The following PCCA variants were observed in gnomAD, a reference collection of about 807,000 sequenced individuals.
The protein encoded by PCCA is propionyl-CoA carboxylase subunit alpha, also known as propionyl-CoA carboxylase alpha chain, mitochondrial.
In PCCA, 74 loss-of-function variants were observed where a neutral mutation model predicts 101.3. The observed-to-expected ratio is 0.73, with a 90% confidence interval of 0.61 to 0.89. The LOEUF (loss-of-function observed/expected upper bound fraction) is 0.89. Ranked by LOEUF, PCCA falls within the 40% of genes least tolerant of loss-of-function variation. The probability of loss-of-function intolerance (pLI) is 0.00; values close to 1 mark genes in which losing one functional copy is unlikely to be tolerated. For missense variants in PCCA, 891 were observed against 907.0 expected, an observed-to-expected ratio of 0.98 and a Z score of 0.23; for synonymous variants, 294 against 313.6, an observed-to-expected ratio of 0.94 and a Z score of 0.66.
chr13:100,498,776 C>A (rs73566613), intron 21 of PCCA, among the ~76,000 whole-genome samples: 1 of 152,076 alleles, frequency 6.6e-6, no homozygotes, highest in Non-Finnish European at 1.5e-5. Context: ...TAGGTTTATT[C>A]CACTACCAAC....
rs66947170 is a variant in PCCA, at chr13:100,348,881, T to TTTTC, written c.1643+8631_1643+8634dup. On this transcript the variant is annotated intron_variant, in intron 18 of 23. Transcript: ENST00000376285. ...TCCCTTCCTCCCTTTCCTTTCTTTC[T>TTTTC]TTTCTTTCTTTCCTTCCTTCCTTCC... Among the ~76,000 whole-genome samples, 233 of 72,566 alleles carry TTTTC rather than the reference T, an allele frequency of 3.2e-3. 20 individuals carry two copies. The highest frequency in any genetic ancestry group is 7.1e-3 in the African/African-American group (144 of 20,278). The allele number at this position is 72,566 out of a possible 152,430, so 47.6% of individuals were successfully genotyped here.
chr13:100,299,911 A>G (rs2065924878), intron 12 of PCCA, among the ~76,000 whole-genome samples: 1 of 152,142 alleles, frequency 6.6e-6, no homozygotes, highest in East Asian at 1.9e-4. Flanking sequence ...ACAGGGTTTC[A>G]TCATGTTGAC....
At chr13:100,339,107 G>A (rs1210885919) in intron 17 of PCCA, among the ~76,000 whole-genome samples, 3 of 151,904 alleles carry the variant, frequency 2.0e-5, no homozygotes, top group Non-Finnish European at 4.4e-5. Flanking sequence ...ATATAACTTA[G>A]ACATATCCTC....
intron 20 of PCCA, among the ~76,000 whole-genome samples, chr13:100,448,072 AG>A (rs1222339883): frequency 6.6e-6 from 1 of 152,274 alleles, no homozygotes; most frequent in Non-Finnish European, 1.5e-5. Flanking sequence ...ATGCTGGCTT[AG>A]TTAGAACTGC....
intron 6 of PCCA, among the ~76,000 whole-genome samples, chr13:100,173,254 T>C (rs1204337272): frequency 6.6e-6 from 1 of 152,158 alleles, no homozygotes; most frequent in Non-Finnish European, 1.5e-5. Context: ...AGTGTGCTGG[T>C]TCTGGTTGAG....
intron 18 of PCCA, among the ~76,000 whole-genome samples, chr13:100,365,042 A>C (rs201462886): frequency 6.6e-6 from 1 of 152,202 alleles, no homozygotes; most frequent in Admixed American, 6.5e-5. Context: ...CAGTGAGATC[A>C]TGTTTCTTAA....
chr13:100,115,395 G>A (rs1238055350), intron 4 of PCCA, among the ~76,000 whole-genome samples: 1 of 152,062 alleles, frequency 6.6e-6, no homozygotes, highest in Non-Finnish European at 1.5e-5. Context: ...GTAATTTGTG[G>A]TACATTTTAG....
At chr13:100,197,255 T>A (rs957397907) in intron 6 of PCCA, among the ~76,000 whole-genome samples, 9 of 152,166 alleles carry the variant, frequency 5.9e-5, no homozygotes, top group African/African-American at 2.2e-4. Context: ...TTGCCCAGGC[T>A]GGAGTGCAGT....
chr13:100,126,602 G>A (rs1215544117), intron 4 of PCCA, among the ~76,000 whole-genome samples: 1 of 152,084 alleles, frequency 6.6e-6, no homozygotes, highest in East Asian at 1.9e-4. Flanking sequence ...GACCCATTCT[G>A]TGCCCAGCAT....
chr13:100,250,851 C>T (rs1445044946), intron 8 of PCCA, among the ~76,000 whole-genome samples: 2 of 152,146 alleles, frequency 1.3e-5, no homozygotes, highest in East Asian at 1.9e-4. Context: ...AGTCCTTTCT[C>T]GTGTTCTGAT....
intron 19 of PCCA, among the ~76,000 whole-genome samples, chr13:100,412,722 C>T (rs768791256): frequency 3.3e-5 from 5 of 152,010 alleles, no homozygotes; most frequent in Non-Finnish European, 4.4e-5. Flanking sequence ...ACAGAGTAAA[C>T]GGCTGATTGT....
At chr13:100,529,757 G>A (rs759285599) in intron 23 of PCCA, among the ~76,000 whole-genome samples, 1 of 152,186 alleles carries the variant, frequency 6.6e-6, no homozygotes, top group Non-Finnish European at 1.5e-5. Flanking sequence ...CTAGGGGTTA[G>A]AACTCACCTG....
chr13:100,511,027 C>T lies in PCCA; in HGVS notation c.1900-4400C>T, dbSNP rs549046931. On this transcript the variant is annotated intron_variant, in intron 21 of 23. Coordinates refer to ENST00000376285, the MANE Select transcript of PCCA (RefSeq NM_000282.4). ...GTGGTGGTGTAGCTCAGATATCAGG[C>T]GATTGGGCCCTGTGCAGAAGTAGAG... Among the ~76,000 whole-genome samples the T allele has an allele frequency of 2.4e-3, 371 of 152,242 alleles. 2 individuals are homozygous for T. The highest frequency in any genetic ancestry group is 8.4e-3 in the African/African-American group (350 of 41,532).
At chr13:100,251,421 C>T (rs747673919) in intron 8 of PCCA, among the ~76,000 whole-genome samples, 2 of 152,174 alleles carry the variant, frequency 1.3e-5, no homozygotes, top group Non-Finnish European at 2.9e-5. Flanking sequence ...CTTACAGCTG[C>T]TCAGATTAAC....
chr13:100,138,808 G>T (rs773453898), intron 4 of PCCA, among the ~76,000 whole-genome samples: 1 of 151,684 alleles, frequency 6.6e-6, no homozygotes, highest in East Asian at 1.9e-4. Context: ...AGTGGTAGGC[G>T]TCTGTAATCC....
chr13:100,318,402 T>A (rs979321458), intron 16 of PCCA, among the ~76,000 whole-genome samples: 7 of 152,140 alleles, frequency 4.6e-5, no homozygotes, highest in African/African-American at 1.7e-4. Flanking sequence ...TACGTAGGTA[T>A]TCATGTGCCA....
At chr13:100,391,920 A>G (rs1421085563) in intron 19 of PCCA, among the ~76,000 whole-genome samples, 1 of 152,048 alleles carries the variant, frequency 6.6e-6, no homozygotes, top group Non-Finnish European at 1.5e-5. Context: ...TTTTTGGGTT[A>G]TTGTTACTGT....
At chr13:100,248,833 G>A (rs3858784) in intron 8 of PCCA, among the ~76,000 whole-genome samples, 60,669 of 151,782 alleles carry the variant, frequency 0.4, 12,796 homozygotes, top group East Asian at 0.75. Context: ...TGCAACCTCC[G>A]CCTCCCGGGT....
At chr13:100,441,025 A>G (rs1226449297) in intron 20 of PCCA, among the ~76,000 whole-genome samples, 1 of 152,160 alleles carries the variant, frequency 6.6e-6, no homozygotes, top group East Asian at 1.9e-4. Flanking sequence ...ATGCAAGGCT[A>G]CCTGCTTTTG....
Sources: allele counts gnomAD v4.1 joint callset (sites outside exome capture counted in the v4.1 genomes callset), GRCh38; gene constraint gnomAD v4.1.1; transcripts MANE v1.5; gene names NCBI Gene and HGNC (gene_info 2026-07-23, HGNC 2026-07-21).